The following DUS4L variants were observed in gnomAD, a reference collection of about 807,000 sequenced individuals.
DUS4L encodes dihydrouridine synthase 4 like.
In DUS4L, 31 loss-of-function variants were observed where a neutral mutation model predicts 33.8. That is an observed-to-expected ratio of 0.92 (90% CI 0.69 to 1.24). DUS4L has a LOEUF of 1.24. Among genes scored for constraint, DUS4L ranks in the 50% most tolerant of loss-of-function variants. The pLI is 0.00. For missense variants in DUS4L, 368 were observed against 388.6 expected (o/e 0.95, Z 0.45); for synonymous variants, 103 against 120.3 (o/e 0.86, Z 0.94).
intron 3 of DUS4L, 173 bp from the exon 4 acceptor site, chr7:107,570,972 T>C: frequency 1.2e-6 from 1 of 821,396 alleles, no homozygotes; most frequent in South Asian, 2.0e-5. Flanking sequence ...TTCTTGTGTT[T>C]GTTTTATATA....
chr7:107,569,254 C>G (rs1804982569), intron 3 of DUS4L, among the ~76,000 whole-genome samples: 2 of 152,192 alleles, frequency 1.3e-5, no homozygotes, highest in African/African-American at 4.8e-5. Flanking sequence ...TTCTTTGCTT[C>G]TTTGTGAGAA....
intron 4 of DUS4L, among the ~76,000 whole-genome samples, chr7:107,573,020 G>C (rs1455293760): frequency 6.6e-6 from 1 of 151,896 alleles, no homozygotes; most frequent in Non-Finnish European, 1.5e-5. Context: ...AAAATGCAAA[G>C]AATATGAAGA....
intron 4 of DUS4L, 22 bp downstream of exon 4, chr7:107,571,288 G>A: frequency 1.3e-6 from 2 of 1,588,590 alleles, no homozygotes; most frequent in Non-Finnish European, 1.7e-6. Context: ...CGAGTGTACT[G>A]ACTTTGTAAA....
At chr7:107,570,938 A>T in intron 3 of DUS4L, 2 of 543,878 alleles carry the variant, frequency 3.7e-6, no homozygotes, top group South Asian at 4.4e-5. Context: ...CTATCTGGAC[A>T]TCTTTTCTTC....
chr7:107,570,709 TGGCTGGAG>T (rs1805140885), intron 3 of DUS4L: 1 of 164,732 alleles, frequency 6.1e-6, no homozygotes, highest in Non-Finnish European at 1.3e-5. Context: ...CTACAGTATT[TGGCTGGAG>T]TAGAACTGTC....
chr7:107,577,505 CT>C lies in DUS4L; in HGVS notation c.900del (p.Leu301CysfsTer8). 1 of 1,614,072 alleles carries C rather than the reference CT, an allele frequency of 6.2e-7. No homozygotes were observed. The highest frequency in any genetic ancestry group is 1.1e-5 in the South Asian group (1 of 91,076). The stretch of plus-strand genomic sequence containing the variant: ...AGGCAGGAAAAAAGGGTATTTAATG[CT>C]CTGTCAAGCACATCAGCAATCATAG... The part of the protein sequence containing the change: ...TSRQEKRVFN[A>X]LSSTSAIIDY... On this transcript the variant is annotated frameshift_variant, in exon 8 of 8. Transcript: ENST00000265720. LOFTEE classifies it high-confidence loss of function.
At chr7:107,566,060 A>G (rs1804658424) in intron 2 of DUS4L, among the ~76,000 whole-genome samples, 1 of 152,126 alleles carries the variant, frequency 6.6e-6, no homozygotes, top group South Asian at 2.1e-4. Flanking sequence ...TCCCAGCTCC[A>G]AAGTTCATCT....
chr7:107,574,477 T>C (rs2129196357), intron 5 of DUS4L, among the ~76,000 whole-genome samples: 1 of 152,102 alleles, frequency 6.6e-6, no homozygotes, highest in East Asian at 1.9e-4. Context: ...TAGCTGGGAT[T>C]ACAGCCATGC....
chr7:107,571,704 C>T (rs1483682083), intron 4 of DUS4L, among the ~76,000 whole-genome samples: 1 of 152,184 alleles, frequency 6.6e-6, no homozygotes, highest in Non-Finnish European at 1.5e-5. Context: ...ATATGTGGTC[C>T]AGCAATCTGT....
At position 107,564,217 on chromosome 7, in the gene DUS4L, C is replaced by T; in HGVS notation, c.-111+8C>T. The T allele has an allele frequency of 1.7e-6, 1 of 590,454 alleles. No homozygotes were observed. Among genetic ancestry groups the T allele is most frequent in the Non-Finnish European group, 3.0e-6 (1 of 331,436 alleles). The allele number at this position is 590,454 out of a possible 1,614,324, so 36.6% of individuals were successfully genotyped here. On this transcript the variant is annotated splice_region_variant and intron_variant, in intron 1 of 7. Coordinates refer to ENST00000265720, the MANE Select transcript of DUS4L (RefSeq NM_181581.3). ...GCCCTAGCCAAGGAGAAGGTGGGCA[C>T]CGGAACGTGGCCGCAGCGCTTATCT...
chr7:107,577,128 T>A (rs185146393), intron 7 of DUS4L, 185 bp from the exon 8 acceptor site: 1 of 762,632 alleles, frequency 1.3e-6, no homozygotes, highest in African/African-American at 1.7e-5. Flanking sequence ...ATTTAAACTT[T>A]CCTGGTTTAC....
chr7:107,577,291 T>C, intron 7 of DUS4L, 22 bp from the exon 8 acceptor site: 1 of 1,612,898 alleles, frequency 6.2e-7, no homozygotes, highest in Non-Finnish European at 8.5e-7. Context: ...TATGGACAAA[T>C]ATGGTGTGCT....
chr7:107,574,029 A>G (rs1584997976), intron 5 of DUS4L: 1 of 718,654 alleles, frequency 1.4e-6, no homozygotes, highest in South Asian at 4.7e-5. Context: ...AATGATGTAT[A>G]GACCTTTGAC....
chr7:107,570,881 C>T (rs60691712), intron 3 of DUS4L: 6,152 of 335,194 alleles, frequency 0.018, 367 homozygotes, highest in African/African-American at 0.13. Context: ...AAATAAAACC[C>T]AGAGAACTCA....
At chr7:107,574,747 T>A in intron 5 of DUS4L, 1 of 221,610 alleles carries the variant, frequency 4.5e-6, no homozygotes, top group Non-Finnish European at 8.8e-6. Context: ...GAAATCAGAT[T>A]AGACATATTT....
chr7:107,565,825 C>G (rs2253856), intron 2 of DUS4L, among the ~76,000 whole-genome samples: 64,364 of 152,032 alleles, frequency 0.42, 13,892 homozygotes, highest in Non-Finnish European at 0.47. Context: ...TCCCCTGAAA[C>G]CTACTGATTT....
At chr7:107,570,392 C>T (rs895432696) in intron 3 of DUS4L, 6 of 152,150 alleles carry the variant, frequency 3.9e-5, no homozygotes, top group Admixed American at 2.0e-4. Context: ...AGGGTAGCCT[C>T]ATATGTGCTG....
At chr7:107,569,581 C>G (rs1805016107) in intron 3 of DUS4L, among the ~76,000 whole-genome samples, 1 of 152,186 alleles carries the variant, frequency 6.6e-6, no homozygotes, top group Admixed American at 6.5e-5. Flanking sequence ...GTATATCTTT[C>G]CATTGATTGA....
chr7:107,572,579 G>A (rs1046978766), intron 4 of DUS4L, among the ~76,000 whole-genome samples: 1 of 152,194 alleles, frequency 6.6e-6, no homozygotes, highest in Non-Finnish European at 1.5e-5. Context: ...GCCAGAGGCG[G>A]TGGCTCATGC....
Sources: gnomAD v4.1 joint callset for allele counts (sites outside exome capture counted in the v4.1 genomes callset) on GRCh38, gnomAD v4.1.1 for gene constraint, MANE v1.5 for transcripts, NCBI Gene and HGNC (gene_info 2026-07-23, HGNC 2026-07-21) for gene names.